The following ITCH variants were observed in gnomAD, a reference collection of about 807,000 sequenced individuals.
The protein encoded by ITCH is itchy E3 ubiquitin protein ligase.
In ITCH, 28 loss-of-function variants were observed where a neutral mutation model predicts 126.8. The ratio of observed to expected loss-of-function variants is 0.22; its 90% CI spans 0.16 to 0.30. ITCH has a LOEUF of 0.30. ITCH is among the 10% of genes least tolerant of loss of function. The pLI is 1.00. For missense variants in ITCH, 631 were observed against 1,032.4 expected, an observed-to-expected ratio of 0.61 and a Z score of 5.33; for synonymous variants, 342 against 340.0, an observed-to-expected ratio of 1.01 and a Z score of -0.06.
intron 7 of ITCH, among the ~76,000 whole-genome samples, chr20:34,436,256 A>G (rs1268601578): frequency 6.6e-6 from 1 of 152,230 alleles, no homozygotes; most frequent in East Asian, 1.9e-4. Context: ...AAAGATTTTT[A>G]GGCATCTTGT....
intron 1 of ITCH, among the ~76,000 whole-genome samples, chr20:34,366,154 CAAA>C (rs1347049921): frequency 9.2e-5 from 14 of 151,916 alleles, no homozygotes; most frequent in Non-Finnish European, 1.9e-4. Flanking sequence ...GATTATGGAA[CAAA>C]AAGGGTTCAG....
chr20:34,463,400 T>G (rs1986727621), intron 14 of ITCH, among the ~76,000 whole-genome samples: 1 of 152,206 alleles, frequency 6.6e-6, no homozygotes, highest in African/African-American at 2.4e-5. Context: ...TTTGAGTTCC[T>G]ACTTCGATGA....
At chr20:34,487,012 GTTT>G (rs34815799) in intron 20 of ITCH, among the ~76,000 whole-genome samples, 1 of 107,816 alleles carries the variant, frequency 9.3e-6, no homozygotes, top group Admixed American at 1.1e-4. Flanking sequence ...TATTTGTTAG[GTTT>G]TTTTTTTTTT....
intron 23 of ITCH, among the ~76,000 whole-genome samples, chr20:34,503,890 T>TG (rs1555886861): frequency 1.4e-5 from 2 of 144,748 alleles, no homozygotes; most frequent in South Asian, 2.2e-4. Context: ...TTTTGGTTTT[T>TG]TTTTTTTTTG....
chr20:34,432,678 G>A (rs1982467200), intron 7 of ITCH, among the ~76,000 whole-genome samples: 1 of 152,198 alleles, frequency 6.6e-6, no homozygotes, highest in Non-Finnish European at 1.5e-5. Context: ...TTTAGGGCCA[G>A]GCACAGTGGC....
chr20:34,475,695 G>A (rs1988145811), intron 16 of ITCH, among the ~76,000 whole-genome samples: 1 of 149,182 alleles, frequency 6.7e-6, no homozygotes, highest in African/African-American at 2.5e-5. Flanking sequence ...GAGAGGCAGA[G>A]GCAGGGGCAG....
intron 12 of ITCH, 50 bp from the exon 13 acceptor site, chr20:34,457,339 AC>A: frequency 8.7e-7 from 1 of 1,149,366 alleles, no homozygotes; most frequent in Non-Finnish European, 1.3e-6. Context: ...GAGCAAGAAG[AC>A]TATGCCAATG....
intron 2 of ITCH, 167 bp downstream of exon 2, chr20:34,369,637 G>T (rs1352825418): frequency 7.7e-6 from 3 of 390,554 alleles, no homozygotes; most frequent in Non-Finnish European, 1.4e-5. Context: ...GCCTCTGCAG[G>T]GATTAGCCTG....
intron 14 of ITCH, among the ~76,000 whole-genome samples, chr20:34,463,895 T>C (rs1164803070): frequency 2.6e-5 from 4 of 152,130 alleles, no homozygotes. Context: ...TCTCCCATTC[T>C]GTGGTTTCCT....
intron 2 of ITCH, among the ~76,000 whole-genome samples, chr20:34,376,616 G>C (rs1183530872): frequency 6.6e-6 from 1 of 152,102 alleles, no homozygotes; most frequent in Non-Finnish European, 1.5e-5. Flanking sequence ...ATGGACTTCA[G>C]GGGGTGGAGT....
intron 23 of ITCH, among the ~76,000 whole-genome samples, chr20:34,495,298 T>A (rs1408943043): frequency 1.5e-5 from 2 of 134,360 alleles, no homozygotes; most frequent in East Asian, 2.0e-4. Flanking sequence ...AAATAAAATA[T>A]ATATATATAT....
chr20:34,391,085 G>T (rs1408821230), intron 2 of ITCH, among the ~76,000 whole-genome samples: 1 of 152,200 alleles, frequency 6.6e-6, no homozygotes, highest in Non-Finnish European at 1.5e-5. Flanking sequence ...GTATGCAGTT[G>T]TAAATAATAG....
At chr20:34,423,403 A>G (rs1176264159) in intron 6 of ITCH, among the ~76,000 whole-genome samples, 1 of 152,176 alleles carries the variant, frequency 6.6e-6, no homozygotes, top group East Asian at 1.9e-4. Context: ...TAATCCACCA[A>G]TTATGCTTTT....
intron 20 of ITCH, among the ~76,000 whole-genome samples, chr20:34,488,775 C>T (rs1003981337): frequency 1.2e-4 from 19 of 152,158 alleles, no homozygotes; most frequent in Admixed American, 5.2e-4. Context: ...TGGTGGCACA[C>T]GCTTGTAATC....
intron 4 of ITCH, among the ~76,000 whole-genome samples, chr20:34,411,162 C>CT (rs1199906067): frequency 5.3e-5 from 8 of 152,040 alleles, no homozygotes; most frequent in Non-Finnish European, 8.8e-5. Context: ...TCTAAATTGA[C>CT]TAATAGAGAA....
At chr20:34,476,275 A>G in intron 16 of ITCH, 2 of 850,516 alleles carry the variant, frequency 2.4e-6, no homozygotes, top group East Asian at 2.4e-5. Context: ...GTGGACTGTC[A>G]CTTTATCTTC....
chr20:34,456,200 ATATATATATATATAT>A (rs1280490374), intron 12 of ITCH, among the ~76,000 whole-genome samples: 7 of 36,654 alleles, frequency 1.9e-4, no homozygotes, highest in African/African-American at 4.8e-4. Flanking sequence ...ATATATATAT[ATATATATATATATAT>A]TTTTTTTTTT....
intron 2 of ITCH, among the ~76,000 whole-genome samples, chr20:34,382,222 C>T (rs770062912): frequency 6.6e-6 from 1 of 152,150 alleles, no homozygotes; most frequent in Non-Finnish European, 1.5e-5. Flanking sequence ...TGGTTCCTCT[C>T]CCCTTCCTAG....
chr20:34,435,251 C>A (rs1033923043), intron 7 of ITCH, among the ~76,000 whole-genome samples: 9 of 152,026 alleles, frequency 5.9e-5, no homozygotes, highest in African/African-American at 2.2e-4. Context: ...TTACCACAAC[C>A]TCAGCCTCTT....
Sources: gnomAD v4.1 joint callset for allele counts (sites outside exome capture counted in the v4.1 genomes callset) on GRCh38, gnomAD v4.1.1 for gene constraint, MANE v1.5 for transcripts, NCBI Gene and HGNC (gene_info 2026-07-23, HGNC 2026-07-21) for gene names.